TTC28: variants seen among roughly 807,000 people sequenced by gnomAD.
TTC28 encodes tetratricopeptide repeat protein 28.
In TTC28, 61 loss-of-function variants were observed where a neutral mutation model predicts 198.0. That is an observed-to-expected ratio of 0.31 (90% CI 0.25 to 0.38). TTC28 has a LOEUF of 0.38. Among genes scored for constraint, TTC28 ranks in the 10% least tolerant of loss-of-function variants. The pLI is 1.00. For missense variants in TTC28, 2,678 were observed against 3,164.0 expected (o/e 0.85, Z 3.69); for synonymous variants, 1,171 against 1,297.8 (o/e 0.90, Z 2.10).
At chr22:28,322,768 C>T (rs2045468088) in intron 2 of TTC28, among the ~76,000 whole-genome samples, 1 of 152,206 alleles carries the variant, frequency 6.6e-6, no homozygotes, top group Non-Finnish European at 1.5e-5. Flanking sequence ...AGTTCTGGAG[C>T]TGTTCAAATG....
chr22:28,523,484 A>C (rs367799294), intron 2 of TTC28, among the ~76,000 whole-genome samples: 59 of 152,294 alleles, frequency 3.9e-4, no homozygotes, highest in African/African-American at 1.4e-3. Flanking sequence ...TGAGGCCTTA[A>C]CTAGTCAGAG....
chr22:28,278,313 T>A (rs1447632974), intron 5 of TTC28, among the ~76,000 whole-genome samples: 3 of 152,208 alleles, frequency 2.0e-5, no homozygotes, highest in Non-Finnish European at 4.4e-5. Flanking sequence ...CAATGGTAAA[T>A]ATTAATCACA....
At chr22:28,059,172 C>T (rs1940411266) in intron 12 of TTC28, among the ~76,000 whole-genome samples, 1 of 151,944 alleles carries the variant, frequency 6.6e-6, no homozygotes, top group South Asian at 2.1e-4. Context: ...CGTTTTCTAG[C>T]TTCTTTAGGC....
chr22:28,463,745 C>A (rs1012406226), intron 2 of TTC28, among the ~76,000 whole-genome samples: 1 of 151,330 alleles, frequency 6.6e-6, no homozygotes, highest in South Asian at 2.1e-4. Flanking sequence ...GGGAACATCA[C>A]ACACCGGGGC....
At chr22:28,433,699 T>G (rs2047470805) in intron 2 of TTC28, among the ~76,000 whole-genome samples, 1 of 152,206 alleles carries the variant, frequency 6.6e-6, no homozygotes, top group Non-Finnish European at 1.5e-5. Flanking sequence ...TAAAAGCAAT[T>G]GCATATGCTC....
At chr22:28,362,068 T>A (rs1475013101) in intron 2 of TTC28, among the ~76,000 whole-genome samples, 2 of 152,218 alleles carry the variant, frequency 1.3e-5, no homozygotes, top group Non-Finnish European at 2.9e-5. Flanking sequence ...TAATGCCTGC[T>A]AACACAATAT....
chr22:28,590,708 C>T (rs964620967), intron 2 of TTC28, among the ~76,000 whole-genome samples: 2 of 151,748 alleles, frequency 1.3e-5, no homozygotes, highest in African/African-American at 4.8e-5. Flanking sequence ...TTAGTATGAT[C>T]GATGAACTTT....
In TTC28 at chr22:28,619,296, A is replaced by T. The variant is rs184412880; in HGVS notation, c.381+10256T>A. On this transcript the variant is annotated intron_variant, in intron 2 of 22. Coordinates refer to ENST00000397906, the MANE Select transcript of TTC28 (RefSeq NM_001145418.2). Reference sequence around the variant, plus strand: ...TTAATCCTCACTACAACACTTCAAGATATGTAATGTTAACCCAGATACAAA... The same window carrying T: ...TTAATCCTCACTACAACACTTCAAGTTATGTAATGTTAACCCAGATACAAA... Among the ~76,000 whole-genome samples the T allele has an allele frequency of 1.5e-3, 235 of 152,314 alleles. 2 individuals carry two copies. The highest frequency in any genetic ancestry group is 4.9e-4 in the Non-Finnish European group (33 of 68,030).
chr22:28,291,881 G>A (rs1488273884), intron 5 of TTC28, among the ~76,000 whole-genome samples: 1 of 152,028 alleles, frequency 6.6e-6, no homozygotes, highest in East Asian at 1.9e-4. Context: ...GAAGAAATGT[G>A]TTATAAGTGG....
intron 5 of TTC28, among the ~76,000 whole-genome samples, chr22:28,167,486 CT>C (rs1401696786): frequency 5.9e-5 from 9 of 152,222 alleles, no homozygotes; most frequent in African/African-American, 1.2e-4. Flanking sequence ...ATCACGTGGA[CT>C]TCATCTCTGC....
intron 21 of TTC28, among the ~76,000 whole-genome samples, chr22:27,987,060 C>T (rs896735240): frequency 1.3e-5 from 2 of 152,168 alleles, no homozygotes; most frequent in African/African-American, 4.8e-5. Flanking sequence ...GGGGGCATTT[C>T]TTGGAGCCTT....
At chr22:28,100,819 G>C (rs988807826) in intron 9 of TTC28, among the ~76,000 whole-genome samples, 3 of 152,184 alleles carry the variant, frequency 2.0e-5, no homozygotes, top group African/African-American at 4.8e-5. Context: ...TTGTAAAAGA[G>C]GGAGAGAGAG....
chr22:28,061,275 G>T (rs1469888307), intron 12 of TTC28, among the ~76,000 whole-genome samples: 1 of 152,184 alleles, frequency 6.6e-6, no homozygotes, highest in Non-Finnish European at 1.5e-5. Context: ...TGGTGTTTTA[G>T]ACATGAAGTC....
At chr22:28,020,630 A>G (rs1938552542) in intron 13 of TTC28, among the ~76,000 whole-genome samples, 1 of 151,894 alleles carries the variant, frequency 6.6e-6, no homozygotes, top group Non-Finnish European at 1.5e-5. Flanking sequence ...CACTGCTCAC[A>G]CTCCTTTGGG....
At chr22:28,527,347 T>C (rs1290963510) in intron 2 of TTC28, among the ~76,000 whole-genome samples, 1 of 152,126 alleles carries the variant, frequency 6.6e-6, no homozygotes, top group African/African-American at 2.4e-5. Context: ...CACCACATAC[T>C]CCAGGCTTCC....
chr22:28,483,412 T>A (rs934925238), intron 2 of TTC28, among the ~76,000 whole-genome samples: 6 of 151,988 alleles, frequency 3.9e-5, no homozygotes, highest in Non-Finnish European at 8.8e-5. Context: ...ATTAGATAAT[T>A]AAATACTGAT....
At chr22:28,173,844 T>C (rs1275441222) in intron 5 of TTC28, among the ~76,000 whole-genome samples, 2 of 152,236 alleles carry the variant, frequency 1.3e-5, no homozygotes, top group African/African-American at 4.8e-5. Flanking sequence ...AGCATGTTTT[T>C]CCCTTACCAT....
At chr22:28,588,064 C>A (rs191789875) in intron 2 of TTC28, among the ~76,000 whole-genome samples, 1 of 151,668 alleles carries the variant, frequency 6.6e-6, no homozygotes. Context: ...ATGGCGTGAA[C>A]CCGGGAGGCA....
chr22:28,305,924 G>C (rs530383751), intron 3 of TTC28, among the ~76,000 whole-genome samples: 1 of 152,220 alleles, frequency 6.6e-6, no homozygotes, highest in Non-Finnish European at 1.5e-5. Context: ...TAAAGTAGAA[G>C]TAAGAACAGG....
Sources: gnomAD v4.1 joint callset for allele counts (sites outside exome capture counted in the v4.1 genomes callset) on GRCh38, gnomAD v4.1.1 for gene constraint, MANE v1.5 for transcripts, NCBI Gene and HGNC (gene_info 2026-07-23, HGNC 2026-07-21) for gene names.